The following NAALADL2 variants were observed in gnomAD, a reference collection of about 807,000 sequenced individuals.
NAALADL2 encodes N-acetylated alpha-linked acidic dipeptidase like 2.
A neutral mutation model predicts 87.2 loss-of-function variants in NAALADL2; 76 were observed. The observed-to-expected ratio is 0.87, with a 90% CI of 0.72 to 1.05. The LOEUF is 1.05. Ranked by LOEUF, NAALADL2 falls within the 50% of genes least tolerant of loss-of-function variation. The pLI is 0.00. For synonymous variants in NAALADL2, 354 were observed against 331.0 expected, an observed-to-expected ratio of 1.07 and a Z score of -0.75; for missense variants, 1,089 against 945.8, an observed-to-expected ratio of 1.15 and a Z score of -1.99.
At chr3:174,816,134 T>A (rs1383601122) in intron 3 of NAALADL2, among the ~76,000 whole-genome samples, 1 of 152,056 alleles carries the variant, frequency 6.6e-6, no homozygotes, top group East Asian at 1.9e-4. Flanking sequence ...TCCTTTAAAT[T>A]GTATAGCACG....
intron 4 of NAALADL2, among the ~76,000 whole-genome samples, chr3:175,312,999 A>C (rs1170770180): frequency 6.6e-6 from 1 of 152,142 alleles, no homozygotes; most frequent in Non-Finnish European, 1.5e-5. Flanking sequence ...AACTACGAAA[A>C]ATTATTTTCT....
chr3:175,183,451 A>G (rs888970372), intron 2 of NAALADL2, among the ~76,000 whole-genome samples: 2 of 151,992 alleles, frequency 1.3e-5, no homozygotes, highest in African/African-American at 4.8e-5. Context: ...TTTTCTGGTG[A>G]GTATAATGTT....
At chr3:175,495,763 T>A (rs73169437) in intron 9 of NAALADL2, among the ~76,000 whole-genome samples, 12,245 of 152,100 alleles carry the variant, frequency 0.081, 582 homozygotes, top group South Asian at 0.12. Flanking sequence ...AGTCTATAAT[T>A]GTTTATATTC....
chr3:174,638,514 C>A (rs753820156), intron 2 of NAALADL2, among the ~76,000 whole-genome samples: 1 of 151,876 alleles, frequency 6.6e-6, no homozygotes, highest in East Asian at 1.9e-4. Flanking sequence ...GGTAAACAGC[C>A]TTTTGCACAT....
chr3:175,304,385 A>C (rs1315386190), intron 4 of NAALADL2, among the ~76,000 whole-genome samples: 1 of 152,184 alleles, frequency 6.6e-6, no homozygotes, highest in East Asian at 1.9e-4. Flanking sequence ...ATGTATGTCC[A>C]CATGCTTATG....
In NAALADL2 at chr3:175,668,805, A is replaced by G. The variant is rs181870171; in HGVS notation, c.1896+41419A>G. Reference sequence around the variant, plus strand: ...CGATATAATGAATAACAAAAGACCAAGAAGGGCCTGAATATAGTTAAGAGA... The same window carrying G: ...CGATATAATGAATAACAAAAGACCAGGAAGGGCCTGAATATAGTTAAGAGA... On this transcript the variant is annotated intron_variant, in intron 11 of 13. Transcript: ENST00000454872. Among the ~76,000 whole-genome samples the G allele has an allele frequency of 3.9e-5, 6 of 152,274 alleles. No individual in the cohort carries two copies. The East Asian group carries it at 1.2e-3, about 29-fold the overall frequency.
intron 1 of NAALADL2, among the ~76,000 whole-genome samples, chr3:174,923,330 A>AG (rs1735508654): frequency 6.6e-6 from 1 of 152,212 alleles, no homozygotes; most frequent in Non-Finnish European, 1.5e-5. Context: ...TTAAGTACAT[A>AG]TCCATGAGTA....
At chr3:174,597,919 A>C (rs1270683850) in intron 2 of NAALADL2, among the ~76,000 whole-genome samples, 1 of 152,082 alleles carries the variant, frequency 6.6e-6, no homozygotes, top group Admixed American at 6.6e-5. Flanking sequence ...TCAACAATTT[A>C]AGTTTTCTTT....
intron 1 of NAALADL2, among the ~76,000 whole-genome samples, chr3:174,992,707 G>A (rs148264451): frequency 2.6e-5 from 4 of 152,138 alleles, no homozygotes; most frequent in African/African-American, 9.6e-5. Flanking sequence ...TGATATTAAA[G>A]TGTGGAAATT....
At chr3:174,680,485 C>A (rs913147057) in intron 2 of NAALADL2, among the ~76,000 whole-genome samples, 2 of 152,052 alleles carry the variant, frequency 1.3e-5, no homozygotes, top group African/African-American at 4.8e-5. Flanking sequence ...TTTGTTTTTT[C>A]TTTACTTTTT....
chr3:174,451,384 A>C (rs1175733415), intron 1 of NAALADL2, among the ~76,000 whole-genome samples: 1 of 152,224 alleles, frequency 6.6e-6, no homozygotes, highest in Non-Finnish European at 1.5e-5. Flanking sequence ...ATCAAATATA[A>C]AAATCTAATT....
At chr3:175,544,030 G>A (rs1560732535) in intron 9 of NAALADL2, among the ~76,000 whole-genome samples, 1 of 152,066 alleles carries the variant, frequency 6.6e-6, no homozygotes, top group Admixed American at 6.6e-5. Flanking sequence ...TGTGTGGAGG[G>A]GTAAGGTTGG....
At chr3:175,206,303 T>C (rs1176143945) in intron 2 of NAALADL2, among the ~76,000 whole-genome samples, 1 of 133,080 alleles carries the variant, frequency 7.5e-6, no homozygotes, top group Non-Finnish European at 1.5e-5. Context: ...TGTGTATATA[T>C]ATATATATAC....
At chr3:174,826,853 C>G (rs1277317550) in intron 3 of NAALADL2, among the ~76,000 whole-genome samples, 3 of 152,134 alleles carry the variant, frequency 2.0e-5, no homozygotes, top group Admixed American at 1.3e-4. Context: ...GAGGCCACTT[C>G]TACCTATTGT....
chr3:175,677,476 GGGGT>G (rs1346626143), intron 11 of NAALADL2, among the ~76,000 whole-genome samples: 1 of 128,166 alleles, frequency 7.8e-6, no homozygotes, highest in African/African-American at 2.9e-5. Context: ...ATAGTATAAT[GGGGT>G]GTGTGTGTGT....
chr3:174,985,712 G>C (rs1314017559), intron 1 of NAALADL2, among the ~76,000 whole-genome samples: 1 of 152,104 alleles, frequency 6.6e-6, no homozygotes, highest in Non-Finnish European at 1.5e-5. Context: ...CAACACTTTG[G>C]GAGTCTGAGG....
In NAALADL2 at chr3:174,740,346, A is replaced by G. The variant is rs531351849; in HGVS notation, c.-9+2600A>G. On this transcript the variant is annotated intron_variant, in intron 3 of 3. Transcript: ENST00000434257. Reference sequence around the variant, plus strand: ...CTTATTGGTGATTGTAAAACTAAAAACCCTCAGACCTGAATTCCTTTCATG... The same window carrying G: ...CTTATTGGTGATTGTAAAACTAAAAGCCCTCAGACCTGAATTCCTTTCATG... Among the ~76,000 whole-genome samples the G allele has an allele frequency of 2.0e-5, 3 of 151,870 alleles. No homozygotes were observed. In the South Asian group the frequency reaches 6.2e-4, roughly 32 times the overall value.
chr3:175,416,062 C>T (rs1455882129), intron 5 of NAALADL2, among the ~76,000 whole-genome samples: 3 of 151,180 alleles, frequency 2.0e-5, no homozygotes, highest in Non-Finnish European at 2.9e-5. Flanking sequence ...TTCAAGGCTG[C>T]AGTAAATCAT....
At chr3:175,577,082 C>T (rs1719008752) in intron 10 of NAALADL2, among the ~76,000 whole-genome samples, 1 of 152,094 alleles carries the variant, frequency 6.6e-6, no homozygotes, top group Admixed American at 6.5e-5. Context: ...TTAATTCTTA[C>T]TTATTATGTG....
Sources: gnomAD v4.1 joint callset for allele counts (sites outside exome capture counted in the v4.1 genomes callset) on GRCh38, gnomAD v4.1.1 for gene constraint, MANE v1.5 for transcripts, NCBI Gene and HGNC (gene_info 2026-07-23, HGNC 2026-07-21) for gene names.